NUBPL: variants seen among roughly 807,000 people sequenced by gnomAD.
NUBPL encodes iron-sulfur cluster transfer protein NUBPL.
In NUBPL, 31 loss-of-function variants were observed where a neutral mutation model predicts 45.7. That is an observed-to-expected ratio of 0.68 (90% confidence interval 0.51 to 0.92). The LOEUF is 0.92. Ranked by LOEUF, NUBPL falls within the 40% of genes least tolerant of loss-of-function variation. The pLI is 0.00. For synonymous variants in NUBPL, 144 were observed against 140.9 expected (o/e 1.02, Z -0.15); for missense variants, 401 against 398.7 (o/e 1.01, Z -0.05).
intron 4 of NUBPL, among the ~76,000 whole-genome samples, chr14:31,668,213 C>A (rs910924305): frequency 2.0e-5 from 3 of 152,192 alleles, no homozygotes; most frequent in African/African-American, 7.2e-5. Flanking sequence ...TTTATCTTTA[C>A]GTCCCTGACT....
rs542445450 is a variant in NUBPL at position 31,672,726 on chromosome 14, G to C, written c.383-629G>C. 5.3e-5 allele frequency among the ~76,000 whole-genome samples: 8 copies of C among 152,226 alleles called. No homozygotes were observed. The South Asian group carries it at 1.5e-3, about 28-fold the overall frequency. ...AATCCACCCACCTTGGCCTCCCACT[G>C]TGCCTGGTATTGAGGCTGTTTTTTA... On this transcript the variant is annotated intron_variant, in intron 4 of 10. Coordinates refer to ENST00000281081, the MANE Select transcript of NUBPL (RefSeq NM_025152.3).
At chr14:31,585,067 A>T (rs968977994) in intron 3 of NUBPL, among the ~76,000 whole-genome samples, 9 of 152,200 alleles carry the variant, frequency 5.9e-5, no homozygotes, top group Non-Finnish European at 8.8e-5. Context: ...AACAGGAGTC[A>T]TACAATATGT....
At chr14:31,705,967 C>T (rs35272921) in intron 6 of NUBPL, among the ~76,000 whole-genome samples, 44,481 of 152,102 alleles carry the variant, frequency 0.29, 7,442 homozygotes, top group South Asian at 0.41. Flanking sequence ...AGCTCCCACC[C>T]GTGCCTCTCC....
intron 4 of NUBPL, among the ~76,000 whole-genome samples, chr14:31,602,362 A>C (rs2034461268): frequency 6.8e-6 from 1 of 147,162 alleles, no homozygotes; most frequent in African/African-American, 2.5e-5. Flanking sequence ...CACATTGTGC[A>C]CATGTACCCT....
At chr14:31,808,774 A>G (rs548547045) in intron 7 of NUBPL, among the ~76,000 whole-genome samples, 35 of 152,262 alleles carry the variant, frequency 2.3e-4, no homozygotes, top group South Asian at 2.1e-3. Context: ...AGCTCTTATT[A>G]TTTTGAGATA....
Position 31,673,407 on chromosome 14 carries a change from A to G in NUBPL, c.422+13A>G, listed in dbSNP as rs1057524083. 5 of 1,607,726 alleles carry G rather than the reference A, an allele frequency of 3.1e-6. No homozygotes were observed. Among genetic ancestry groups the G allele is most frequent in the Non-Finnish European group, 4.3e-6 (5 of 1,175,200 alleles). On this transcript the variant is annotated intron_variant, in intron 5 of 10. Transcript: ENST00000281081. ...ATGGTATTGCTTGGTGAGCATATAT[A>G]TATTTTTAATGTTACTTTTCAGAAT...
intron 7 of NUBPL, among the ~76,000 whole-genome samples, chr14:31,803,463 A>T (rs33997512): frequency 1.7e-5 from 1 of 58,396 alleles, no homozygotes; most frequent in Non-Finnish European, 5.5e-5. Context: ...TAATGACCTC[A>T]AAATGTAGCT....
Position 31,561,464 on chromosome 14 carries a change from C to T in NUBPL, c.25C>T (p.Leu9Phe), listed in dbSNP as rs751219189. ...CATGGGGATTTGGCAGCGTCTGCTG[C>T]TTTTTGGTGGGGTGTCGCTCCGGGC... MGIWQRLL[L>F]FGGVSLRAGG... The change falls in exon 1 of 11, where the codon CTT becomes TTT. Residue 9 changes from leucine to phenylalanine, a missense_variant. Coordinates refer to ENST00000281081, the MANE Select transcript of NUBPL (RefSeq NM_025152.3). The T allele has an allele frequency of 4.9e-5, 69 of 1,419,944 alleles. No individual in the cohort carries two copies. In the East Asian group the frequency reaches 1.6e-3, roughly 33 times the overall value. The allele number at this position is 1,419,944 out of a possible 1,614,324, so 88.0% of individuals were successfully genotyped here.
chr14:31,638,967 AT>A, intron 4 of NUBPL, among the ~76,000 whole-genome samples: 1 of 151,968 alleles, frequency 6.6e-6, no homozygotes, highest in East Asian at 1.9e-4. Flanking sequence ...TCTATTGGTT[AT>A]TCTAGTTATA....
chr14:31,763,443 A>G (rs905281052), intron 6 of NUBPL, among the ~76,000 whole-genome samples: 1 of 152,132 alleles, frequency 6.6e-6, no homozygotes, highest in Admixed American at 6.6e-5. Flanking sequence ...TTTTAGCTTT[A>G]GTTTTATCAA....
intron 4 of NUBPL, among the ~76,000 whole-genome samples, chr14:31,636,256 A>G (rs7140146): frequency 0.16 from 24,613 of 151,068 alleles, 5,709 homozygotes; most frequent in African/African-American, 0.53. Flanking sequence ...TTATTTTGAG[A>G]TACGTCCCAT....
At chr14:31,716,018 A>G (rs1389179741) in intron 6 of NUBPL, among the ~76,000 whole-genome samples, 3 of 151,970 alleles carry the variant, frequency 2.0e-5, no homozygotes, top group Non-Finnish European at 4.4e-5. Flanking sequence ...TTACTTAAAA[A>G]ATTTTTTTTG....
chr14:31,586,236 C>T (rs746963919), intron 3 of NUBPL, among the ~76,000 whole-genome samples: 3 of 152,046 alleles, frequency 2.0e-5, no homozygotes, highest in Non-Finnish European at 2.9e-5. Flanking sequence ...GTGAGGAAGA[C>T]CGATATATTA....
intron 3 of NUBPL, among the ~76,000 whole-genome samples, chr14:31,588,849 G>T (rs935518569): frequency 6.6e-5 from 10 of 150,792 alleles, no homozygotes; most frequent in South Asian, 2.1e-4. Flanking sequence ...AACCCAGGAG[G>T]TGGAGGTTGC....
chr14:31,576,865 C>T (rs2033730603), intron 3 of NUBPL, among the ~76,000 whole-genome samples: 1 of 152,174 alleles, frequency 6.6e-6, no homozygotes, highest in South Asian at 2.1e-4. Context: ...AGGCTTAGTT[C>T]AGGTAGGATT....
At chr14:31,733,132 C>G (rs2038089607) in intron 6 of NUBPL, among the ~76,000 whole-genome samples, 1 of 151,950 alleles carries the variant, frequency 6.6e-6, no homozygotes, top group Admixed American at 6.6e-5. Flanking sequence ...ATATTTTCCC[C>G]CATTTAATTG....
At chr14:31,580,201 T>G (rs762946163) in intron 3 of NUBPL, among the ~76,000 whole-genome samples, 25 of 152,202 alleles carry the variant, frequency 1.6e-4, no homozygotes, top group African/African-American at 6.0e-4. Flanking sequence ...GTCCTAGAGA[T>G]GTAGTGGTAA....
intron 4 of NUBPL, among the ~76,000 whole-genome samples, chr14:31,617,646 A>G (rs1420915043): frequency 1.3e-5 from 2 of 152,132 alleles, no homozygotes; most frequent in African/African-American, 4.8e-5. Context: ...TTGGTAGATA[A>G]GTGTTTTGAT....
At chr14:31,740,471 G>C (rs1027229842) in intron 6 of NUBPL, among the ~76,000 whole-genome samples, 3 of 152,054 alleles carry the variant, frequency 2.0e-5, no homozygotes, top group Non-Finnish European at 4.4e-5. Context: ...ATGTATTTAA[G>C]GTCTTTGGCC....
Sources: allele counts gnomAD v4.1 joint callset (sites outside exome capture counted in the v4.1 genomes callset), GRCh38; gene constraint gnomAD v4.1.1; transcripts MANE v1.5; gene names NCBI Gene and HGNC (gene_info 2026-07-23, HGNC 2026-07-21).